RPP38: variants seen among roughly 807,000 people sequenced by gnomAD.
RPP38 encodes the protein ribonuclease P/MRP subunit p38.
Under a neutral mutation model 1.7 loss-of-function variants are expected in RPP38, and 2 were observed. That is an observed-to-expected ratio of 1.18 (90% CI 0.48 to 3.70). The LOEUF is 3.70. RPP38 is among the 30% of genes most tolerant of loss of function. RPP38 has a pLI of 0.07. For synonymous variants in RPP38, 151 were observed against 131.8 expected, an observed-to-expected ratio of 1.15 and a Z score of -1.00; for missense variants, 358 against 340.1, an observed-to-expected ratio of 1.05 and a Z score of -0.41.
chr10:15,099,632 G>T (rs1179969338), intron 1 of RPP38, among the ~76,000 whole-genome samples: 2 of 151,792 alleles, frequency 1.3e-5, no homozygotes, highest in Non-Finnish European at 2.9e-5. Context: ...GTGTGCACCA[G>T]CACTCCTGGC....
intron 1 of RPP38, among the ~76,000 whole-genome samples, chr10:15,098,640 C>T (rs969706365): frequency 6.6e-6 from 1 of 151,354 alleles, no homozygotes; most frequent in Non-Finnish European, 1.5e-5. Flanking sequence ...GTAGTCCCAG[C>T]ACTTTGGGAG....
chr10:15,103,310 T>C lies in RPP38; in HGVS notation c.-5T>C, dbSNP rs1219871784. 1 of 1,559,758 alleles carries C rather than the reference T, an allele frequency of 6.4e-7. No individual in the cohort carries two copies. The highest frequency in any genetic ancestry group is 2.2e-5 in the Admixed American group (1 of 46,486). On this transcript the variant is annotated 5_prime_UTR_variant, in exon 3 of 3. Coordinates refer to ENST00000378197, the MANE Select transcript of RPP38 (RefSeq NM_183005.5). Reference sequence around the variant, plus strand: ...GTCATTTTGCTTCTTGGAAGGATTTTCAAAATGGCTGCAGCTCCTCAAGCA... The same window carrying C: ...GTCATTTTGCTTCTTGGAAGGATTTCCAAAATGGCTGCAGCTCCTCAAGCA...
intron 1 of RPP38, among the ~76,000 whole-genome samples, chr10:15,100,042 C>A (rs1445428689): frequency 6.6e-6 from 1 of 152,178 alleles, no homozygotes; most frequent in Admixed American, 6.5e-5. Flanking sequence ...ATTTTTCTCT[C>A]TTTCTCTAAA....
chr10:15,100,250 C>G (rs534748148), intron 1 of RPP38, among the ~76,000 whole-genome samples: 3 of 152,120 alleles, frequency 2.0e-5, no homozygotes, highest in African/African-American at 7.2e-5. Context: ...CATCATCTGA[C>G]TTGCAGTTGG....
At chr10:15,099,622 G>C (rs1845057787) in intron 1 of RPP38, among the ~76,000 whole-genome samples, 1 of 151,878 alleles carries the variant, frequency 6.6e-6, no homozygotes, top group Non-Finnish European at 1.5e-5. Flanking sequence ...GGGATTACAG[G>C]TGTGCACCAG....
Position 15,103,523 on chromosome 10 carries a change from C to G in RPP38, c.209C>G (p.Pro70Arg). The G allele has an allele frequency of 6.2e-7, 1 of 1,614,018 alleles. No homozygotes were observed. The highest frequency in any genetic ancestry group is 8.5e-7 in the Non-Finnish European group (1 of 1,180,010). ...IEDKKKKNKT[P>R]FLKKESREKC... is the part of the protein sequence containing the mutation. ...GATAAGAAGAAAAAGAACAAAACACCTTTTCTGAAAAAAGAAAGCAGAGAG... is the reference window on the plus strand; with the variant it reads ...GATAAGAAGAAAAAGAACAAAACACGTTTTCTGAAAAAAGAAAGCAGAGAG... Residue 70 changes from proline to arginine, a missense_variant, in exon 3 of 3, where the codon CCT (proline) becomes CGT (arginine). Transcript: ENST00000378197.
At position 15,097,572 on chromosome 10, in the gene RPP38, C is replaced by A. The variant is rs1589267677; in HGVS notation, c.-324C>A. 6.6e-6 allele frequency: 1 copy of A among 152,302 alleles called. No individual in the cohort carries two copies. The highest frequency in any genetic ancestry group is 1.5e-5 in the Non-Finnish European group (1 of 68,080). The allele number at this position is 152,302 out of a possible 1,614,324, so 9.4% of individuals were successfully genotyped here. The stretch of plus-strand genomic sequence containing the variant: ...GGACCCGCCGCCCTCCCGGTTGGGC[C>A]GCCCAGTCCCGGGCCGGGCGCGTGC... On this transcript the variant is annotated 5_prime_UTR_variant, in exon 1 of 3. Coordinates refer to ENST00000378197, the MANE Select transcript of RPP38 (RefSeq NM_183005.5).
At chr10:15,098,146 T>C (rs1589268495) in intron 1 of RPP38, among the ~76,000 whole-genome samples, 1 of 151,862 alleles carries the variant, frequency 6.6e-6, no homozygotes, top group African/African-American at 2.4e-5. Flanking sequence ...CTTCATTATC[T>C]GGTCCTTACC....
chr10:15,100,947 C>T lies in RPP38; in HGVS notation c.-129-1271C>T, dbSNP rs1845093001. 2.0e-5 allele frequency among the ~76,000 whole-genome samples: 3 copies of T among 152,322 alleles called. No individual in the cohort carries two copies. The South Asian group carries it at 6.2e-4, about 32-fold the overall frequency. On this transcript the variant is annotated intron_variant, in intron 1 of 2. Transcript: ENST00000378197. Reference sequence around the variant, plus strand: ...CCGCCCGCCTTGGGCTCCCAATGTGCTTTGGTTACTGGCGTGAGCCACTGC... The same window carrying T: ...CCGCCCGCCTTGGGCTCCCAATGTGTTTTGGTTACTGGCGTGAGCCACTGC...
At chr10:15,102,662 T>A (rs1051131151) in intron 2 of RPP38, 1 of 152,176 alleles carries the variant, frequency 6.6e-6, no homozygotes, top group African/African-American at 2.4e-5. Flanking sequence ...TTGCAATAAT[T>A]AAAACTTTCA....
rs974038287 is a variant in RPP38 at position 15,104,060 on chromosome 10, G to C, written c.746G>C (p.Gly249Ala). Residue 249 changes from glycine (G) to alanine (A), a missense_variant, in exon 3 of 3, where the codon GGT becomes GCT. Physicochemically the swap from Gly to Ala is moderately conservative, Grantham distance 60 (BLOSUM62 0). Coordinates refer to ENST00000378197, the MANE Select transcript of RPP38 (RefSeq NM_183005.5). ...LSKPKRKLAD[G>A]RQASVTLQPL... ...AAACCTAAGAGAAAGCTTGCTGACG[G>C]TCGGCAGGCTTCTGTAACATTACAA... The C allele has an allele frequency of 6.2e-7, 1 of 1,613,952 alleles. No individual in the cohort carries two copies. The highest frequency in any genetic ancestry group is 1.3e-5 in the African/African-American group (1 of 74,908).
intron 1 of RPP38, among the ~76,000 whole-genome samples, chr10:15,098,904 A>AGG (rs57617378): frequency 7.6e-6 from 1 of 130,936 alleles, no homozygotes; most frequent in Non-Finnish European, 1.5e-5. Flanking sequence ...AAAAAAAAAA[A>AGG]AAGTTCCTCT....
chr10:15,103,719 T>C lies in RPP38; in HGVS notation c.405T>C (p.Cys135=). The change falls in exon 3 of 3, where the codon TGT becomes TGC. Residue 135 remains cysteine (C), a synonymous_variant. Coordinates refer to ENST00000378197, the MANE Select transcript of RPP38 (RefSeq NM_183005.5). ...ERRELLLVLV[C]KSVKPAMITS... is the part of the protein sequence containing the mutation. ...GGGAACTGCTGTTAGTTCTGGTGTG[T>C]AAATCAGTCAAGCCTGCCATGATCA... is the stretch of plus-strand genomic sequence containing the variant. 1 of 1,613,930 alleles carries C rather than the reference T, an allele frequency of 6.2e-7. No individual in the cohort carries two copies. The highest frequency in any genetic ancestry group is 8.5e-7 in the Non-Finnish European group (1 of 1,180,022).
At chr10:15,103,027 A>T in intron 2 of RPP38, 1 of 204,042 alleles carries the variant, frequency 4.9e-6, no homozygotes, top group South Asian at 8.1e-5. Flanking sequence ...GTCTCTACTA[A>T]AAAAAAATAG....
rs1347348339 is a variant in RPP38, at chr10:15,097,564, G to C, written c.-332G>C. On this transcript the variant is annotated 5_prime_UTR_variant, in exon 1 of 3. Coordinates refer to ENST00000378197, the MANE Select transcript of RPP38 (RefSeq NM_183005.5). ...TGGCCGCAGGACCCGCCGCCCTCCC[G>C]GTTGGGCCGCCCAGTCCCGGGCCGG... is the stretch of plus-strand genomic sequence containing the variant. 6.6e-6 allele frequency: 1 copy of C among 152,282 alleles called. No individual in the cohort carries two copies. Among genetic ancestry groups the C allele is most frequent in the Non-Finnish European group, 1.5e-5 (1 of 68,074 alleles). The allele number at this position is 152,282 out of a possible 1,614,324, so 9.4% of individuals were successfully genotyped here. A position where few individuals can be genotyped will look rare whatever the true frequency, so the allele number is the denominator to read the frequency against.
chr10:15,101,975 G>A (rs1845121313), intron 1 of RPP38, among the ~76,000 whole-genome samples: 1 of 152,138 alleles, frequency 6.6e-6, no homozygotes, highest in Non-Finnish European at 1.5e-5. Flanking sequence ...GCCCTGGGAG[G>A]TGGGGAGACT....
intron 1 of RPP38, among the ~76,000 whole-genome samples, chr10:15,100,302 T>G (rs1464431662): frequency 6.6e-6 from 1 of 152,128 alleles, no homozygotes; most frequent in East Asian, 1.9e-4. Context: ...CCCCTGTCAC[T>G]TATTTCCCTC....
At chr10:15,098,836 A>T (rs1395378868) in intron 1 of RPP38, among the ~76,000 whole-genome samples, 2 of 146,416 alleles carry the variant, frequency 1.4e-5, no homozygotes, top group Non-Finnish European at 1.5e-5. Flanking sequence ...CAGTGAGCCG[A>T]GATTGTGCCA....
At chr10:15,101,749 G>A (rs1845114095) in intron 1 of RPP38, among the ~76,000 whole-genome samples, 1 of 152,074 alleles carries the variant, frequency 6.6e-6, no homozygotes, top group South Asian at 2.1e-4. Context: ...AATTAGCCAG[G>A]CGTGGTGTTG....
Sources: gnomAD v4.1 joint callset for allele counts (sites outside exome capture counted in the v4.1 genomes callset) on GRCh38, gnomAD v4.1.1 for gene constraint, MANE v1.5 for transcripts, NCBI Gene and HGNC (gene_info 2026-07-23, HGNC 2026-07-21) for gene names.